Variants in LOXHD1 observed in about 807,000 individuals in gnomAD.
LOXHD1 encodes lipoxygenase homology domain-containing protein 1.
A neutral mutation model predicts 248.2 loss-of-function variants in LOXHD1; 205 were observed. That is an observed-to-expected ratio of 0.83 (90% CI 0.74 to 0.93). The LOEUF is 0.93. Among genes scored for constraint, LOXHD1 ranks in the 40% least tolerant of loss-of-function variants. The pLI, the probability that LOXHD1 is intolerant of heterozygous loss-of-function variation, is 0.00. For synonymous variants in LOXHD1, 1,113 were observed against 1,162.8 expected, an observed-to-expected ratio of 0.96 and a Z score of 0.87; for missense variants, 2,930 against 2,971.6, an observed-to-expected ratio of 0.99 and a Z score of 0.33.
At chr18:46,544,608 C>T (rs904138894) in intron 23 of LOXHD1, among the ~76,000 whole-genome samples, 3 of 152,198 alleles carry the variant, frequency 2.0e-5, no homozygotes, top group African/African-American at 7.2e-5. Context: ...CTATAAGGCA[C>T]ATACTAATTT....
chr18:46,592,119 G>A (rs1195366062), intron 11 of LOXHD1, 51 bp from the exon 12 acceptor site: 14 of 1,549,372 alleles, frequency 9.0e-6, no homozygotes, highest in Middle Eastern at 1.7e-4. Flanking sequence ...GATGTTCACC[G>A]ATGCCCTGCA....
At chr18:46,653,453 A>C (rs1053088947) in intron 1 of LOXHD1, among the ~76,000 whole-genome samples, 2 of 152,218 alleles carry the variant, frequency 1.3e-5, no homozygotes, top group Admixed American at 6.5e-5. Context: ...TCAAGTTTAA[A>C]ATTTTAACTT....
chr18:46,507,436 G>C, intron 36 of LOXHD1, 102 bp downstream of exon 36: 1 of 1,296,532 alleles, frequency 7.7e-7, no homozygotes, highest in South Asian at 1.4e-5. Flanking sequence ...ATTTTGGAAG[G>C]CCTTATGAAG....
chr18:46,593,580 C>A lies in LOXHD1; in HGVS notation c.1431+20G>T. 6.4e-7 allele frequency: 1 copy of A among 1,551,200 alleles called. No homozygotes were observed. The highest frequency in any genetic ancestry group is 8.7e-7 in the Non-Finnish European group (1 of 1,146,162). On this transcript the variant is annotated intron_variant, in intron 10 of 40. Coordinates refer to ENST00000642948, the MANE Select transcript of LOXHD1 (RefSeq NM_001384474.1). ...TCCCTTCCTCCTTTCTCCCTCCCAT[C>A]CATCACAATCCTCTCCTACCCTAAA...
chr18:46,486,917 A>G (rs1347415845), intron 38 of LOXHD1, among the ~76,000 whole-genome samples: 1 of 152,184 alleles, frequency 6.6e-6, no homozygotes, highest in African/African-American at 2.4e-5. Flanking sequence ...GGAAGTTTCA[A>G]TCAGCATATT....
chr18:46,632,224 G>C (rs1599063576), intron 4 of LOXHD1, among the ~76,000 whole-genome samples: 1 of 152,316 alleles, frequency 6.6e-6, no homozygotes, highest in Non-Finnish European at 1.5e-5. Flanking sequence ...AAGTCATATA[G>C]CTAGGAGGTG....
At position 46,533,281 on chromosome 18, in the gene LOXHD1, G is replaced by A. The variant is rs866017859; in HGVS notation, c.4256C>T (p.Thr1419Ile). ...LTFPCDRWLA[T>I]SEDDKKTIRE... ...AATGGTCTTTTTGTCATCCTCAGAG[G>A]TGGCAAGCCACCGATCGCATGGGAA... Residue 1419 changes from threonine to isoleucine, a missense_variant, in exon 28 of 41, where the codon ACC becomes ATC. Coordinates refer to ENST00000642948, the MANE Select transcript of LOXHD1 (RefSeq NM_001384474.1). The A allele has an allele frequency of 1.9e-5, 29 of 1,551,662 alleles. No homozygotes were observed. In the Middle Eastern group the frequency reaches 1.5e-3, roughly 80 times the overall value.
At chr18:46,494,349 T>C (rs2033692000) in intron 37 of LOXHD1, among the ~76,000 whole-genome samples, 1 of 152,228 alleles carries the variant, frequency 6.6e-6, no homozygotes, top group South Asian at 2.1e-4. Context: ...GTCAATTCTT[T>C]GCTCCAGCAC....
chr18:46,604,431 G>A (rs1435861650), intron 6 of LOXHD1, among the ~76,000 whole-genome samples: 4 of 152,188 alleles, frequency 2.6e-5, no homozygotes, highest in Non-Finnish European at 5.9e-5. Flanking sequence ...GATGACTGGC[G>A]ATTACCTTCT....
At chr18:46,557,621 G>A (rs1356532959) in intron 20 of LOXHD1, 132 bp from the exon 21 acceptor site, 1 of 1,083,108 alleles carries the variant, frequency 9.2e-7, no homozygotes, top group African/African-American at 1.6e-5. Flanking sequence ...CAGGAGTGGG[G>A]ATGATGGAGA....
chr18:46,584,871 A>G (rs1486334646), intron 12 of LOXHD1, among the ~76,000 whole-genome samples: 1 of 152,170 alleles, frequency 6.6e-6, no homozygotes. Flanking sequence ...ACATCATGAC[A>G]ATGTAGGATT....
chr18:46,531,719 T>C (rs536428581), intron 28 of LOXHD1, among the ~76,000 whole-genome samples: 3 of 152,158 alleles, frequency 2.0e-5, no homozygotes, highest in South Asian at 4.2e-4. Context: ...GGTGCATCCA[T>C]GGAGAGATGT....
chr18:46,577,702 T>C lies in LOXHD1; in HGVS notation c.1970+5A>G, dbSNP rs1378002207. On this transcript the variant is annotated splice_donor_5th_base_variant and intron_variant, in intron 14 of 40. Coordinates refer to ENST00000642948, the MANE Select transcript of LOXHD1 (RefSeq NM_001384474.1). Reference sequence around the variant, plus strand: ...AGAAAACACCAGCAGGCAGGACGCATGTACCTGAGACATGGGAACTCCACG... The same window carrying C: ...AGAAAACACCAGCAGGCAGGACGCACGTACCTGAGACATGGGAACTCCACG... 4 of 1,549,472 alleles carry C rather than the reference T, an allele frequency of 2.6e-6. No homozygotes were observed. The African/African-American group carries it at 4.1e-5, about 16-fold the overall frequency.
intron 12 of LOXHD1, among the ~76,000 whole-genome samples, chr18:46,585,296 T>C (rs111485203): frequency 1.4e-4 from 21 of 152,206 alleles, no homozygotes; most frequent in African/African-American, 4.8e-4. Context: ...ATTTATAAAA[T>C]CATAAGGAAT....
intron 14 of LOXHD1, among the ~76,000 whole-genome samples, chr18:46,575,977 G>A (rs1795917475): frequency 6.6e-6 from 1 of 152,070 alleles, no homozygotes; most frequent in African/African-American, 2.4e-5. Flanking sequence ...CCTTTCCCCT[G>A]GTGCTCTCCT....
intron 37 of LOXHD1, among the ~76,000 whole-genome samples, chr18:46,504,175 G>A (rs986879764): frequency 6.6e-6 from 1 of 152,050 alleles, no homozygotes; most frequent in Admixed American, 6.5e-5. Context: ...GTGCAGTGAT[G>A]CAATCACAGC....
chr18:46,603,646 G>C (rs950450946), intron 7 of LOXHD1, among the ~76,000 whole-genome samples: 2 of 152,132 alleles, frequency 1.3e-5, no homozygotes, highest in Admixed American at 1.3e-4. Context: ...CTTGGACAAG[G>C]CTCTTCCATT....
At chr18:46,541,198 C>T (rs1663654507) in intron 25 of LOXHD1, among the ~76,000 whole-genome samples, 1 of 152,100 alleles carries the variant, frequency 6.6e-6, no homozygotes, top group South Asian at 2.1e-4. Context: ...TAAATTACTC[C>T]CTTCCCTTCT....
intron 2 of LOXHD1, among the ~76,000 whole-genome samples, chr18:46,644,174 C>T (rs115047805): frequency 0.019 from 2,960 of 152,284 alleles, 102 homozygotes; most frequent in African/African-American, 0.067. Context: ...GGATCAAATT[C>T]TTTGGAAGCT....
Sources: allele counts gnomAD v4.1 joint callset (sites outside exome capture counted in the v4.1 genomes callset), GRCh38; gene constraint gnomAD v4.1.1; transcripts MANE v1.5; gene names NCBI Gene and HGNC (gene_info 2026-07-23, HGNC 2026-07-21).